Variants in LRRC4C observed in about 807,000 individuals in gnomAD.
The protein encoded by LRRC4C is leucine-rich repeat-containing protein 4C.
Under a neutral mutation model 33.6 loss-of-function variants are expected in LRRC4C, and 5 were observed. That is an observed-to-expected ratio of 0.15 (90% CI 0.08 to 0.31). The LOEUF (loss-of-function observed/expected upper bound fraction) is 0.31. LRRC4C is among the 10% of genes least tolerant of loss of function. LRRC4C has a pLI of 1.00. For synonymous variants in LRRC4C, 329 were observed against 302.0 expected, an observed-to-expected ratio of 1.09 and a Z score of -0.93; for missense variants, 560 against 796.7, an observed-to-expected ratio of 0.70 and a Z score of 3.58.
chr11:41,366,563 T>C (rs915533774), intron 1 of LRRC4C, among the ~76,000 whole-genome samples: 1 of 152,142 alleles, frequency 6.6e-6, no homozygotes, highest in African/African-American at 2.4e-5. Context: ...AAAAGTTAAA[T>C]AGAGATATTA....
chr11:40,143,452 C>A (rs549746062), intron 5 of LRRC4C, among the ~76,000 whole-genome samples: 1 of 152,244 alleles, frequency 6.6e-6, no homozygotes, highest in Admixed American at 6.5e-5. Flanking sequence ...TCACTCTGCT[C>A]TGACTACCAC....
At chr11:40,880,844 G>T (rs568697817) in intron 2 of LRRC4C, among the ~76,000 whole-genome samples, 3 of 133,964 alleles carry the variant, frequency 2.2e-5, no homozygotes, top group East Asian at 4.4e-4. Flanking sequence ...AGACATGAGT[G>T]CAAATAAAAT....
At chr11:41,058,656 T>A (rs534499059) in intron 1 of LRRC4C, among the ~76,000 whole-genome samples, 1 of 152,352 alleles carries the variant, frequency 6.6e-6, no homozygotes, top group Non-Finnish European at 1.5e-5. Flanking sequence ...TGGTGATTCC[T>A]CAAGGAAATT....
chr11:40,929,097 T>C (rs945556247), intron 2 of LRRC4C, among the ~76,000 whole-genome samples: 20 of 152,320 alleles, frequency 1.3e-4, no homozygotes, highest in Admixed American at 5.2e-4. Flanking sequence ...TCTTCACAAA[T>C]GGAAGAAGTC....
intron 2 of LRRC4C, among the ~76,000 whole-genome samples, chr11:40,820,304 T>C (rs2135458767): frequency 6.6e-6 from 1 of 152,018 alleles, no homozygotes; most frequent in South Asian, 2.1e-4. Context: ...AAATTGAAAA[T>C]AGTGTCATAA....
At chr11:41,145,824 C>T (rs1413687467) in intron 1 of LRRC4C, among the ~76,000 whole-genome samples, 1 of 152,090 alleles carries the variant, frequency 6.6e-6, no homozygotes, top group African/African-American at 2.4e-5. Context: ...ATTTCAGTGA[C>T]CTAGAAACAC....
intron 5 of LRRC4C, among the ~76,000 whole-genome samples, chr11:40,198,517 G>A (rs565195134): frequency 6.6e-6 from 1 of 152,194 alleles, no homozygotes. Context: ...ACCATAGCAT[G>A]TAATCCGTTT....
At chr11:40,303,537 A>C (rs1944883571) in intron 4 of LRRC4C, among the ~76,000 whole-genome samples, 1 of 152,236 alleles carries the variant, frequency 6.6e-6, no homozygotes, top group Admixed American at 6.5e-5. Context: ...TCCCTGCTTA[A>C]ATTTCCACTG....
At chr11:40,716,856 C>T (rs973171444) in intron 2 of LRRC4C, among the ~76,000 whole-genome samples, 19 of 152,088 alleles carry the variant, frequency 1.2e-4, no homozygotes, top group African/African-American at 4.6e-4. Flanking sequence ...TACAGGGTTT[C>T]AGGGAGGTGA....
In LRRC4C at chr11:40,279,069, T is replaced by C. The variant is rs891027777; in HGVS notation, c.-175-37471A>G. Among the ~76,000 whole-genome samples, 11 of 152,088 alleles carry C rather than the reference T, an allele frequency of 7.2e-5. 1 individual carries two copies. The highest frequency in any genetic ancestry group is 1.6e-4 in the Non-Finnish European group (11 of 68,020). ...TGAAAGAGGACTATGCCAAGAGAAATATAGGGAAAACAGAGCAGGAGTCCC... is the reference window on the plus strand; with the variant it reads ...TGAAAGAGGACTATGCCAAGAGAAACATAGGGAAAACAGAGCAGGAGTCCC... On this transcript the variant is annotated intron_variant, in intron 4 of 6. Coordinates refer to ENST00000528697, the MANE Select transcript of LRRC4C (RefSeq NM_001258419.2).
intron 1 of LRRC4C, among the ~76,000 whole-genome samples, chr11:40,957,442 CT>C (rs1033502892): frequency 9.2e-5 from 14 of 151,708 alleles, no homozygotes; most frequent in African/African-American, 3.4e-4. Flanking sequence ...CTATTTCTCT[CT>C]TTCCATCACC....
intron 1 of LRRC4C, among the ~76,000 whole-genome samples, chr11:41,223,874 T>C (rs1947411512): frequency 6.6e-6 from 1 of 152,192 alleles, no homozygotes. Flanking sequence ...AGTTGATGGA[T>C]ATCATCTCTT....
chr11:40,618,354 G>A (rs1245555796), intron 3 of LRRC4C, among the ~76,000 whole-genome samples: 1 of 151,598 alleles, frequency 6.6e-6, no homozygotes, highest in East Asian at 1.9e-4. Context: ...GCAACCACCA[G>A]AAGAAACTAG....
In LRRC4C at chr11:41,346,510, A is replaced by C. The variant is rs1318194759; in HGVS notation, c.-496+112921T>G. ...CTTCAGTGAGATTAGATTGGGATACATTTAAAAAATGATGATATCCTAAAA... is the reference window on the plus strand; with the variant it reads ...CTTCAGTGAGATTAGATTGGGATACCTTTAAAAAATGATGATATCCTAAAA... On this transcript the variant is annotated intron_variant, in intron 1 of 6. Transcript: ENST00000528697. 3.3e-5 allele frequency among the ~76,000 whole-genome samples: 5 copies of C among 152,208 alleles called. No individual in the cohort carries two copies. In the South Asian group the frequency reaches 1.0e-3, roughly 31 times the overall value.
intron 3 of LRRC4C, among the ~76,000 whole-genome samples, chr11:40,607,773 T>A (rs191971831): frequency 5.9e-5 from 9 of 152,264 alleles, no homozygotes; most frequent in Middle Eastern, 3.4e-3. Flanking sequence ...CTAATTGAGC[T>A]GATTAACACA....
At chr11:41,376,071 G>A (rs936947061) in intron 1 of LRRC4C, among the ~76,000 whole-genome samples, 1 of 151,312 alleles carries the variant, frequency 6.6e-6, no homozygotes, top group Non-Finnish European at 1.5e-5. Flanking sequence ...CTAAAAATGA[G>A]AAGACTAGCA....
chr11:40,931,615 A>G lies in LRRC4C; in HGVS notation c.-407+2020T>C, dbSNP rs118123724. Among the ~76,000 whole-genome samples the G allele has an allele frequency of 4.1e-3, 629 of 152,124 alleles. 3 individuals carry two copies. The highest frequency in any genetic ancestry group is 7.4e-3 in the Non-Finnish European group (501 of 67,976). On this transcript the variant is annotated intron_variant, in intron 2 of 6. Transcript: ENST00000528697. ...ATATACTGCAGGCATTTAATGCATA[A>G]GTTTGATCATAATGCACTAAAGTAG... is the stretch of plus-strand genomic sequence containing the variant.
chr11:40,850,066 G>C (rs1477238927), intron 2 of LRRC4C, among the ~76,000 whole-genome samples: 1 of 151,666 alleles, frequency 6.6e-6, no homozygotes, highest in Non-Finnish European at 1.5e-5. Context: ...CCTTGCATTG[G>C]GTTAGAACAT....
rs1360355043 is a variant in LRRC4C at position 40,994,891 on chromosome 11, C to G, written c.-495-61168G>C. Among the ~76,000 whole-genome samples, 8 of 152,066 alleles carry G rather than the reference C, an allele frequency of 5.3e-5. 1 individual carries two copies. Among genetic ancestry groups the G allele is most frequent in the Admixed American group, 5.2e-4 (8 of 15,244 alleles). On this transcript the variant is annotated intron_variant, in intron 1 of 6. Coordinates refer to ENST00000528697, the MANE Select transcript of LRRC4C (RefSeq NM_001258419.2). The stretch of plus-strand genomic sequence containing the variant: ...TAAGCATCTTGTCCTTCCCCATTGT[C>G]CCCTCCACAATTTCTCTAATGTAAT...
Sources: gnomAD v4.1 joint callset for allele counts (sites outside exome capture counted in the v4.1 genomes callset) on GRCh38, gnomAD v4.1.1 for gene constraint, MANE v1.5 for transcripts, NCBI Gene and HGNC (gene_info 2026-07-23, HGNC 2026-07-21) for gene names.